The following PAPPA2 variants were observed in gnomAD, a reference collection of about 807,000 sequenced individuals.
PAPPA2 encodes pappalysin 2, also known as pappalysin-2.
In PAPPA2, 86 loss-of-function variants were observed where a neutral mutation model predicts 176.4. The ratio of observed to expected loss-of-function variants is 0.49; its 90% confidence interval spans 0.41 to 0.58. The LOEUF is 0.58. Among genes scored for constraint, PAPPA2 ranks in the 20% least tolerant of loss-of-function variants. The pLI, the probability that PAPPA2 is intolerant of heterozygous loss-of-function variation, is 0.00. For missense variants in PAPPA2, 2,073 were observed against 2,256.9 expected (o/e 0.92, Z 1.65); for synonymous variants, 809 against 852.2 (o/e 0.95, Z 0.88).
At chr1:176,612,789 A>C (rs1354107612) in intron 3 of PAPPA2, among the ~76,000 whole-genome samples, 1 of 152,236 alleles carries the variant, frequency 6.6e-6, no homozygotes, top group Non-Finnish European at 1.5e-5. Flanking sequence ...AGGCCACTTT[A>C]TGTCCTCAAT....
chr1:176,610,341 G>A (rs982549260), intron 3 of PAPPA2, among the ~76,000 whole-genome samples: 1 of 84,984 alleles, frequency 1.2e-5, no homozygotes, highest in African/African-American at 1.3e-4. Flanking sequence ...GCAAAGTTGT[G>A]TGTGGGGGGG....
intron 3 of PAPPA2, among the ~76,000 whole-genome samples, chr1:176,614,206 A>G (rs1382560112): frequency 6.6e-6 from 1 of 151,846 alleles, no homozygotes; most frequent in Non-Finnish European, 1.5e-5. Context: ...GAAAGGAGGC[A>G]CTTTGTCTTT....
intron 12 of PAPPA2, among the ~76,000 whole-genome samples, chr1:176,719,880 CTT>C (rs1439508677): frequency 1.3e-5 from 2 of 152,164 alleles, no homozygotes; most frequent in African/African-American, 2.4e-5. Context: ...TAAGTATACA[CTT>C]TTTAGTTTCT....
At chr1:176,609,063 G>A (rs944731469) in intron 3 of PAPPA2, among the ~76,000 whole-genome samples, 5 of 152,122 alleles carry the variant, frequency 3.3e-5, no homozygotes, top group Non-Finnish European at 7.4e-5. Context: ...CCTAGAGGCA[G>A]GAAGATGTGT....
chr1:176,532,235 C>T (rs1374716580), intron 1 of PAPPA2, among the ~76,000 whole-genome samples: 1 of 152,174 alleles, frequency 6.6e-6, no homozygotes, highest in African/African-American at 2.4e-5. Context: ...GCCCAAAGTT[C>T]AGTGAATTGG....
intron 10 of PAPPA2, 111 bp downstream of exon 10, chr1:176,706,561 T>A (rs997436396): frequency 1.1e-6 from 1 of 869,854 alleles, no homozygotes; most frequent in African/African-American, 1.7e-5. Flanking sequence ...TAATAACCTC[T>A]GATGTGTCCC....
Position 176,771,109 on chromosome 1 carries a change from G to A in PAPPA2, c.4644G>A (p.Val1548=). The change falls in exon 17 of 23, where the codon GTG becomes GTA. Residue 1548 remains valine, a synonymous_variant. Transcript: ENST00000367662. The part of the protein sequence containing the change: ...LPHCLQDNHD[V]GTICKYECKP... The stretch of plus-strand genomic sequence containing the variant: ...ACTGCCTCCAGGACAACCACGACGT[G>A]GGCACCATCTGCAAATATGAATGCA... 6.2e-7 allele frequency: 1 copy of A among 1,614,096 alleles called. No individual in the cohort carries two copies. Among genetic ancestry groups the A allele is most frequent in the Admixed American group, 1.7e-5 (1 of 60,010 alleles).
chr1:176,550,683 C>A (rs921103032), intron 1 of PAPPA2, among the ~76,000 whole-genome samples: 23 of 152,222 alleles, frequency 1.5e-4, no homozygotes, highest in African/African-American at 5.1e-4. Flanking sequence ...ATTAACACTG[C>A]TAATAATTTA....
chr1:176,650,380 A>G (rs1657649517), intron 3 of PAPPA2, among the ~76,000 whole-genome samples: 1 of 150,668 alleles, frequency 6.6e-6, no homozygotes, highest in Non-Finnish European at 1.5e-5. Context: ...AGTCAAGACA[A>G]TCATTTCTAT....
chr1:176,842,104 C>A (rs979397419), intron 22 of PAPPA2, among the ~76,000 whole-genome samples: 7 of 152,116 alleles, frequency 4.6e-5, no homozygotes, highest in Non-Finnish European at 7.4e-5. Flanking sequence ...GAACTTTATA[C>A]TCATTATTTA....
chr1:176,679,454 T>A (rs1389832036), intron 4 of PAPPA2, among the ~76,000 whole-genome samples: 2 of 152,232 alleles, frequency 1.3e-5, no homozygotes, highest in African/African-American at 4.8e-5. Flanking sequence ...ACTATCATTT[T>A]TCTGTTATGA....
chr1:176,836,583 C>T (rs1034238060), intron 21 of PAPPA2: 6 of 152,196 alleles, frequency 3.9e-5, no homozygotes, highest in African/African-American at 1.4e-4. Context: ...AGCCTGGGCT[C>T]TGTAATAGGC....
intron 21 of PAPPA2, among the ~76,000 whole-genome samples, chr1:176,831,584 A>G (rs998238247): frequency 5.9e-5 from 9 of 152,156 alleles, no homozygotes. Context: ...GACCACTCAT[A>G]TAGAACTGTC....
chr1:176,563,596 C>G (rs938217471), intron 2 of PAPPA2, among the ~76,000 whole-genome samples: 1 of 152,022 alleles, frequency 6.6e-6, no homozygotes, highest in Non-Finnish European at 1.5e-5. Flanking sequence ...CCCACAAAGC[C>G]CAAAATATTT....
intron 12 of PAPPA2, among the ~76,000 whole-genome samples, chr1:176,714,645 C>T (rs1055901877): frequency 6.6e-6 from 1 of 152,288 alleles, no homozygotes; most frequent in East Asian, 1.9e-4. Context: ...TTTAAAATAA[C>T]ACATGGCCAA....
At chr1:176,568,235 A>G (rs1010915825) in intron 2 of PAPPA2, among the ~76,000 whole-genome samples, 1 of 152,252 alleles carries the variant, frequency 6.6e-6, no homozygotes, top group African/African-American at 2.4e-5. Flanking sequence ...ATGATGGTAG[A>G]TAAAGTAACA....
chr1:176,556,403 C>T lies in PAPPA2; in HGVS notation c.81C>T (p.Gly27=), dbSNP rs1163486960. Residue 27 remains glycine (G), a synonymous_variant, in exon 2 of 23, where the codon GGC becomes GGT. Coordinates refer to ENST00000367662, the MANE Select transcript of PAPPA2 (RefSeq NM_020318.3). ...TCTGTTCTGCCAACTCTGAGCTGGG[C>T]TGGACACGCAAGAAATCCTTGGTTG... The part of the protein sequence containing the change: ...WALCSANSEL[G]WTRKKSLVER... The T allele has an allele frequency of 5.6e-6, 9 of 1,614,072 alleles. No individual in the cohort carries two copies. Among genetic ancestry groups the T allele is most frequent in the Admixed American group, 1.7e-5 (1 of 60,010 alleles).
intron 1 of PAPPA2, among the ~76,000 whole-genome samples, chr1:176,551,525 G>A (rs577415931): frequency 1.2e-4 from 19 of 152,152 alleles, no homozygotes; most frequent in East Asian, 3.9e-4. Flanking sequence ...TCTCTCTCTC[G>A]TTCTCTCTCT....
chr1:176,576,388 T>C (rs752956749), intron 2 of PAPPA2, among the ~76,000 whole-genome samples: 17 of 152,192 alleles, frequency 1.1e-4, no homozygotes, highest in Non-Finnish European at 2.2e-4. Context: ...CTTTTTTTTC[T>C]ATTGCTGTCA....
Sources: gnomAD v4.1 joint callset for allele counts (sites outside exome capture counted in the v4.1 genomes callset) on GRCh38, gnomAD v4.1.1 for gene constraint, MANE v1.5 for transcripts, NCBI Gene and HGNC (gene_info 2026-07-23, HGNC 2026-07-21) for gene names.